Variants in LCOR observed in about 807,000 individuals in gnomAD.
The protein encoded by LCOR is ligand-dependent corepressor.
Under a neutral mutation model 64.4 loss-of-function variants are expected in LCOR, and 14 were observed. That is an observed-to-expected ratio of 0.22 (90% CI 0.14 to 0.34). LCOR has a LOEUF of 0.34. Ranked by LOEUF, LCOR falls within the 10% of genes least tolerant of loss-of-function variation. The pLI, the probability that LCOR is intolerant of heterozygous loss-of-function variation, is 1.00. For missense variants in LCOR, 1,686 were observed against 1,765.3 expected, an observed-to-expected ratio of 0.96 and a Z score of 0.80; for synonymous variants, 643 against 642.5, an observed-to-expected ratio of 1.00 and a Z score of -0.01.
intron 7 of LCOR, chr10:96,957,720 C>T (rs997231011): frequency 7.1e-6 from 7 of 985,378 alleles, no homozygotes; most frequent in African/African-American, 1.7e-5. Context: ...GTTAAGTTTT[C>T]CCTCAGCAAC....
intron 7 of LCOR, chr10:96,958,692 A>G (rs1847822291): frequency 2.4e-6 from 1 of 421,448 alleles, no homozygotes; most frequent in Non-Finnish European, 4.3e-6. Context: ...ATATTCAGGT[A>G]AATTTTCTTT....
intron 4 of LCOR, among the ~76,000 whole-genome samples, chr10:96,937,155 G>GAC (rs1009001708): frequency 5.3e-5 from 8 of 152,142 alleles, no homozygotes; most frequent in African/African-American, 1.9e-4. Context: ...TGGAGACACA[G>GAC]ACACACACAC....
At chr10:96,870,037 C>G (rs1846045963) in intron 2 of LCOR, among the ~76,000 whole-genome samples, 1 of 151,994 alleles carries the variant, frequency 6.6e-6, no homozygotes, top group Non-Finnish European at 1.5e-5. Context: ...ACCATAAGTT[C>G]TTTGTTTGTT....
intron 4 of LCOR, among the ~76,000 whole-genome samples, chr10:96,938,571 A>T (rs568464384): frequency 6.6e-6 from 1 of 152,160 alleles, no homozygotes; most frequent in Non-Finnish European, 1.5e-5. Context: ...AAGTCATTCA[A>T]ATTGCAAAAG....
rs1163571628 is a variant in LCOR, at chr10:96,945,489, T to G, written c.-51+1244T>G. Among the ~76,000 whole-genome samples the G allele has an allele frequency of 5.9e-5, 9 of 152,304 alleles. No homozygotes were observed. In the East Asian group the frequency reaches 1.7e-3, roughly 29 times the overall value. On this transcript the variant is annotated intron_variant, in intron 5 of 7. Transcript: ENST00000421806. Reference sequence around the variant, plus strand: ...TCTGTAAACACCCACTAGCACCTCCTGACCTAAATCTCCCAGCTGAGTCTC... The same window carrying G: ...TCTGTAAACACCCACTAGCACCTCCGGACCTAAATCTCCCAGCTGAGTCTC...
At chr10:96,961,977 G>A (rs1039030361) in intron 7 of LCOR, 3 of 151,372 alleles carry the variant, frequency 2.0e-5, no homozygotes, top group African/African-American at 4.9e-5. Context: ...AATGTTTAAA[G>A]TACTAGAAAA....
intron 7 of LCOR, among the ~76,000 whole-genome samples, chr10:96,969,784 T>TC (rs1847982039): frequency 6.9e-6 from 1 of 144,782 alleles, no homozygotes; most frequent in Non-Finnish European, 1.5e-5. Flanking sequence ...CTTTTTTTTT[T>TC]TTTTTCTTTT....
chr10:96,896,274 T>A (rs141423326), intron 2 of LCOR, among the ~76,000 whole-genome samples: 34 of 152,314 alleles, frequency 2.2e-4, no homozygotes, highest in African/African-American at 7.0e-4. Flanking sequence ...TGACTTTTTT[T>A]ATTCACAAAT....
chr10:96,865,534 T>TA (rs1026191647), intron 2 of LCOR, among the ~76,000 whole-genome samples: 4 of 144,554 alleles, frequency 2.8e-5, no homozygotes, highest in Non-Finnish European at 6.2e-5. Flanking sequence ...GTACAGTAGT[T>TA]ATGACAGTTG....
At chr10:96,926,978 CTTAA>C (rs1847179492) in intron 4 of LCOR, among the ~76,000 whole-genome samples, 1 of 151,890 alleles carries the variant, frequency 6.6e-6, no homozygotes, top group Admixed American at 6.6e-5. Flanking sequence ...ATTATTATGA[CTTAA>C]TTGTGTACAT....
intron 2 of LCOR, among the ~76,000 whole-genome samples, chr10:96,847,922 C>T (rs1408974368): frequency 2.0e-5 from 3 of 152,048 alleles, no homozygotes; most frequent in Non-Finnish European, 4.4e-5. Flanking sequence ...TGCCTTTTTT[C>T]CCCCCTTTTC....
At chr10:96,905,377 G>A (rs958867796) in intron 2 of LCOR, among the ~76,000 whole-genome samples, 2 of 152,056 alleles carry the variant, frequency 1.3e-5, no homozygotes, top group African/African-American at 2.4e-5. Context: ...AGCTATTTGC[G>A]TTGTGTATTT....
chr10:96,956,173 C>T, intron 7 of LCOR: 4 of 1,266,960 alleles, frequency 3.2e-6, no homozygotes, highest in Non-Finnish European at 4.0e-6. Flanking sequence ...TGAGTTACCT[C>T]ACAGAGAACA....
chr10:96,850,946 C>A (rs7910221), intron 2 of LCOR, among the ~76,000 whole-genome samples: 22,053 of 152,118 alleles, frequency 0.14, 2,246 homozygotes, highest in African/African-American at 0.28. Flanking sequence ...CCCCTGTAGG[C>A]AGTAAGGATG....
chr10:96,929,123 G>A (rs896875324), intron 4 of LCOR, among the ~76,000 whole-genome samples: 3 of 152,156 alleles, frequency 2.0e-5, no homozygotes, highest in Non-Finnish European at 4.4e-5. Flanking sequence ...AATGAGCACT[G>A]GCTTCAACTT....
intron 2 of LCOR, among the ~76,000 whole-genome samples, chr10:96,884,336 G>A (rs561283784): frequency 2.0e-5 from 3 of 152,314 alleles, no homozygotes; most frequent in African/African-American, 4.8e-5. Context: ...ATTTTTAAGA[G>A]TATAAAGTGA....
In LCOR at chr10:96,956,843, A is replaced by G. The variant is rs1354969387; in HGVS notation, c.332+4647A>G. 4 of 985,534 alleles carry G rather than the reference A, an allele frequency of 4.1e-6. No individual in the cohort carries two copies. In the African/African-American group the frequency reaches 7.0e-5, roughly 17 times the overall value. The allele number at this position is 985,534 out of a possible 1,614,324, so 61.0% of individuals were successfully genotyped here. ...ATTCTTCAGTCCTTTTACAGAATTG[A>G]TGTGCTAACTGAATATCATTGCAGC... On this transcript the variant is annotated intron_variant, in intron 7 of 7. Coordinates refer to ENST00000421806, the MANE Select transcript of LCOR (RefSeq NM_001346516.2).
intron 2 of LCOR, among the ~76,000 whole-genome samples, chr10:96,886,355 T>C (rs969799735): frequency 2.0e-5 from 3 of 152,176 alleles, no homozygotes; most frequent in Non-Finnish European, 4.4e-5. Flanking sequence ...GCTTACCAGT[T>C]TAGCATTTCT....
intron 7 of LCOR, among the ~76,000 whole-genome samples, chr10:96,972,929 A>G (rs1206797544): frequency 6.6e-6 from 1 of 152,250 alleles, no homozygotes; most frequent in Non-Finnish European, 1.5e-5. Context: ...TTAGATCAGT[A>G]CCTCCACACA....
Sources: allele counts gnomAD v4.1 joint callset (sites outside exome capture counted in the v4.1 genomes callset), GRCh38; gene constraint gnomAD v4.1.1; transcripts MANE v1.5; gene names NCBI Gene and HGNC (gene_info 2026-07-23, HGNC 2026-07-21).